Variants in GRIN2B observed in about 807,000 individuals in gnomAD.
GRIN2B encodes glutamate receptor ionotropic, NMDA 2B.
In GRIN2B, 5 loss-of-function variants were observed where a neutral mutation model predicts 114.5. The observed-to-expected ratio is 0.04, with a 90% confidence interval of 0.02 to 0.09. The LOEUF (loss-of-function observed/expected upper bound fraction) is 0.09, where lower values mean the gene tolerates loss of function less well. GRIN2B is among the 10% of genes least tolerant of loss of function. The pLI is 1.00. For missense variants in GRIN2B, 1,108 were observed against 1,943.5 expected, an observed-to-expected ratio of 0.57 and a Z score of 8.08; for synonymous variants, 787 against 745.1, an observed-to-expected ratio of 1.06 and a Z score of -0.92.
At chr12:13,799,397 ATTT>A (rs1864468077) in intron 3 of GRIN2B, among the ~76,000 whole-genome samples, 1 of 152,122 alleles carries the variant, frequency 6.6e-6, no homozygotes, top group Admixed American at 6.5e-5. Flanking sequence ...CTGTGCTCAC[ATTT>A]CTAGGGACTG....
rs1304833192 is a variant in GRIN2B, at chr12:13,776,812, G to A, written c.412-22897C>T. ...GAGAGGAACATGATTATCAAAGCAA[G>A]GCAAAGAAATGGAGGAGAGGAGACA... On this transcript the variant is annotated intron_variant, in intron 3 of 13. Coordinates refer to ENST00000609686, the MANE Select transcript of GRIN2B (RefSeq NM_000834.5). Among the ~76,000 whole-genome samples, 4 of 152,236 alleles carry A rather than the reference G, an allele frequency of 2.6e-5. No homozygotes were observed. The East Asian group carries it at 7.7e-4, about 29-fold the overall frequency.
chr12:13,808,752 A>AATATATATATATATATATAT (rs10548365), intron 3 of GRIN2B, among the ~76,000 whole-genome samples: 8 of 109,892 alleles, frequency 7.3e-5, no homozygotes, highest in South Asian at 2.9e-4. Context: ...ATAAAAAAAA[A>AATATATATATATATATATAT]ATATATATAT....
At chr12:13,963,795 G>T (rs542370203) in intron 2 of GRIN2B, among the ~76,000 whole-genome samples, 18 of 152,230 alleles carry the variant, frequency 1.2e-4, no homozygotes, top group Middle Eastern at 3.4e-3. Flanking sequence ...CAAGATCTAG[G>T]CTTGCCTTGG....
intron 2 of GRIN2B, among the ~76,000 whole-genome samples, chr12:13,870,220 T>G (rs978183622): frequency 1.3e-5 from 2 of 152,138 alleles, no homozygotes; most frequent in Non-Finnish European, 1.5e-5. Context: ...TTACTAGTCA[T>G]GTAGATGAAT....
rs112508376 is a variant in GRIN2B, at chr12:13,644,883, G to A, written c.1126-28226C>T. Among the ~76,000 whole-genome samples the A allele has an allele frequency of 1.4e-4, 22 of 152,144 alleles. 1 individual carries two copies. Among genetic ancestry groups the A allele is most frequent in the Middle Eastern group, 3.4e-3 (1 of 294 alleles). On this transcript the variant is annotated intron_variant, in intron 5 of 13. Transcript: ENST00000609686. ...CCTTCAAAGAATTGAAGAGAATTAG[G>A]GCCTTCCTCTGAATTAGGCTTTGGC...
chr12:13,741,947 A>C (rs561009595), intron 4 of GRIN2B, among the ~76,000 whole-genome samples: 1 of 152,328 alleles, frequency 6.6e-6, no homozygotes, highest in African/African-American at 2.4e-5. Flanking sequence ...GTATTCACTC[A>C]ATAATCTTTT....
In GRIN2B at chr12:13,819,119, G is replaced by A. The variant is rs1424119420; in HGVS notation, c.411+46679C>T. Among the ~76,000 whole-genome samples the A allele has an allele frequency of 2.0e-5, 3 of 152,180 alleles. No homozygotes were observed. The East Asian group carries it at 5.8e-4, about 29-fold the overall frequency. On this transcript the variant is annotated intron_variant, in intron 3 of 13. Coordinates refer to ENST00000609686, the MANE Select transcript of GRIN2B (RefSeq NM_000834.5). ...TTAATCCTAATCCAATCTGACAAGTGTCTTTATAAAAAGAGGAAATTGGAA... is the reference window on the plus strand; with the variant it reads ...TTAATCCTAATCCAATCTGACAAGTATCTTTATAAAAAGAGGAAATTGGAA...
At chr12:13,712,161 T>C (rs1461785313) in intron 4 of GRIN2B, among the ~76,000 whole-genome samples, 1 of 138,398 alleles carries the variant, frequency 7.2e-6, no homozygotes, top group Non-Finnish European at 1.5e-5. Flanking sequence ...TTCTCACTCA[T>C]AGGTGGGAAT....
chr12:13,597,966 C>A (rs1030134172), intron 10 of GRIN2B, among the ~76,000 whole-genome samples: 1 of 152,210 alleles, frequency 6.6e-6, no homozygotes, highest in Non-Finnish European at 1.5e-5. Context: ...AAATAAAACT[C>A]AACGTGATGC....
At position 13,705,520 on chromosome 12, in the gene GRIN2B, C is replaced by T. The variant is rs191206591; in HGVS notation, c.1011-29661G>A. Among the ~76,000 whole-genome samples, 13 of 152,012 alleles carry T rather than the reference C, an allele frequency of 8.6e-5. No individual in the cohort carries two copies. The East Asian group carries it at 2.5e-3, about 29-fold the overall frequency. ...AGGATTCCCAAAATGTGTTTGTATACCACAAAGGGATTATGTCTGTTAACA... is the reference window on the plus strand; with the variant it reads ...AGGATTCCCAAAATGTGTTTGTATATCACAAAGGGATTATGTCTGTTAACA... On this transcript the variant is annotated intron_variant, in intron 4 of 13. Transcript: ENST00000609686.
intron 2 of GRIN2B, among the ~76,000 whole-genome samples, chr12:13,945,976 T>C (rs1039164722): frequency 2.6e-5 from 4 of 152,160 alleles, no homozygotes; most frequent in African/African-American, 9.7e-5. Flanking sequence ...CAAGCCTCAT[T>C]TGGGAACAGA....
At chr12:13,626,818 C>CCCCCCCCCCCCCCCCCCCCCCCCCCT (rs1649734494) in intron 5 of GRIN2B, among the ~76,000 whole-genome samples, 1 of 62,460 alleles carries the variant, frequency 1.6e-5, no homozygotes, top group African/African-American at 6.7e-5. Context: ...CCCCTCCCCC[C>CCCCCCCCCCCCCCCCCCCCCCCCCCT]CACCCTCCCC....
chr12:13,692,918 G>A (rs2136559791), intron 4 of GRIN2B, among the ~76,000 whole-genome samples: 1 of 151,388 alleles, frequency 6.6e-6, no homozygotes, highest in African/African-American at 2.4e-5. Context: ...ACAGGCGCCT[G>A]CCACCACACC....
At position 13,943,558 on chromosome 12, in the gene GRIN2B, G is replaced by C. The variant is rs991105865; in HGVS notation, c.-19+36370C>G. Among the ~76,000 whole-genome samples the C allele has an allele frequency of 2.0e-5, 3 of 152,166 alleles. No individual in the cohort carries two copies. In the South Asian group the frequency reaches 6.2e-4, roughly 32 times the overall value. The stretch of plus-strand genomic sequence containing the variant: ...CCGTGATCTCATCTCTCCCACTTCT[G>C]CTCCATTCACTAAGCCCTAAGCATG... On this transcript the variant is annotated intron_variant, in intron 2 of 13. Coordinates refer to ENST00000609686, the MANE Select transcript of GRIN2B (RefSeq NM_000834.5).
intron 10 of GRIN2B, among the ~76,000 whole-genome samples, chr12:13,606,360 G>A (rs148890305): frequency 6.6e-6 from 1 of 152,298 alleles, no homozygotes; most frequent in Non-Finnish European, 1.5e-5. Context: ...TATGGCAAGA[G>A]AGGAAGCAAG....
intron 3 of GRIN2B, among the ~76,000 whole-genome samples, chr12:13,784,821 G>A (rs896757190): frequency 6.6e-5 from 10 of 152,150 alleles, no homozygotes; most frequent in Admixed American, 5.2e-4. Context: ...TGAAACATGG[G>A]GCAACCCAAG....
chr12:13,842,406 C>A (rs1349224062), intron 3 of GRIN2B, among the ~76,000 whole-genome samples: 3 of 152,214 alleles, frequency 2.0e-5, no homozygotes, highest in Non-Finnish European at 4.4e-5. Context: ...TTGTAGCTCA[C>A]TGCCGCAAAC....
In GRIN2B at chr12:13,965,574, C is replaced by CACACAA. The variant is rs951638689; in HGVS notation, c.-19+14353_-19+14354insTTGTGT. ...ATTACACACCACACACACACACACA[C>CACACAA]ACACACGTGTGTGTGATTGTATGTT... On this transcript the variant is annotated intron_variant, in intron 2 of 13. Coordinates refer to ENST00000609686, the MANE Select transcript of GRIN2B (RefSeq NM_000834.5). Among the ~76,000 whole-genome samples, 7 of 151,590 alleles carry CACACAA rather than the reference C, an allele frequency of 4.6e-5. No homozygotes were observed. The East Asian group carries it at 7.7e-4, about 17-fold the overall frequency.
chr12:13,656,720 A>G (rs1022339386), intron 5 of GRIN2B, among the ~76,000 whole-genome samples: 11 of 152,230 alleles, frequency 7.2e-5, no homozygotes, highest in Non-Finnish European at 1.5e-4. Context: ...GAAGTTCTAA[A>G]AATAAGCTAT....
Sources: gnomAD v4.1 joint callset for allele counts (sites outside exome capture counted in the v4.1 genomes callset) on GRCh38, gnomAD v4.1.1 for gene constraint, MANE v1.5 for transcripts, NCBI Gene and HGNC (gene_info 2026-07-23, HGNC 2026-07-21) for gene names.